The following GXYLT2 variants were observed in gnomAD, a reference collection of about 807,000 sequenced individuals.
GXYLT2 encodes glycosyltransferase 8 domain containing 4.
Under a neutral mutation model 45.8 loss-of-function variants are expected in GXYLT2, and 53 were observed. The observed-to-expected ratio is 1.16, with a 90% CI of 0.93 to 1.46. The LOEUF is 1.46. GXYLT2 is among the 40% of genes most tolerant of loss of function. GXYLT2 has a pLI of 0.00. For missense variants in GXYLT2, 551 were observed against 544.4 expected, an observed-to-expected ratio of 1.01 and a Z score of -0.12; for synonymous variants, 219 against 214.2, an observed-to-expected ratio of 1.02 and a Z score of -0.19.
intron 3 of GXYLT2, among the ~76,000 whole-genome samples, chr3:72,938,367 C>T (rs1710230599): frequency 6.6e-6 from 1 of 152,126 alleles, no homozygotes; most frequent in South Asian, 2.1e-4. Context: ...AGTGCTGAGC[C>T]CTGAACCCAG....
At chr3:72,914,566 C>A (rs984406126) in intron 2 of GXYLT2, among the ~76,000 whole-genome samples, 1 of 151,194 alleles carries the variant, frequency 6.6e-6, no homozygotes, top group African/African-American at 2.5e-5. Flanking sequence ...CGCTTGCGTG[C>A]GCATGTATAT....
At chr3:72,903,831 G>A (rs59023653) in intron 1 of GXYLT2, among the ~76,000 whole-genome samples, 1 of 152,154 alleles carries the variant, frequency 6.6e-6, no homozygotes, top group Admixed American at 6.5e-5. Context: ...TAGGACCTTC[G>A]TTACGACTCT....
intron 2 of GXYLT2, among the ~76,000 whole-genome samples, chr3:72,910,311 A>G (rs1034689628): frequency 6.6e-6 from 1 of 152,152 alleles, no homozygotes; most frequent in Non-Finnish European, 1.5e-5. Flanking sequence ...GGTCAAGTTT[A>G]TGGCTCACCC....
chr3:72,910,418 C>T (rs1007699887), intron 2 of GXYLT2, among the ~76,000 whole-genome samples: 2 of 152,164 alleles, frequency 1.3e-5, no homozygotes, highest in Non-Finnish European at 2.9e-5. Context: ...TGCTATATGA[C>T]CTTGGGTTAG....
chr3:72,939,637 G>A (rs887165080), intron 3 of GXYLT2, among the ~76,000 whole-genome samples: 2 of 151,330 alleles, frequency 1.3e-5, no homozygotes, highest in African/African-American at 4.9e-5. Flanking sequence ...TAGACAATTA[G>A]AAAGTATGGC....
intron 1 of GXYLT2, among the ~76,000 whole-genome samples, chr3:72,901,701 C>T (rs1358812179): frequency 2.6e-5 from 2 of 77,108 alleles, no homozygotes; most frequent in Non-Finnish European, 6.8e-5. Flanking sequence ...GCTGGGATTA[C>T]AGGCATGCAC....
chr3:72,968,432 CA>C (rs1441719246), intron 6 of GXYLT2, among the ~76,000 whole-genome samples: 1 of 152,206 alleles, frequency 6.6e-6, no homozygotes, highest in East Asian at 1.9e-4. Flanking sequence ...AATCAGGGGT[CA>C]AGGTGTTCAG....
chr3:72,931,574 A>G (rs1490296230), intron 3 of GXYLT2, among the ~76,000 whole-genome samples: 1 of 152,120 alleles, frequency 6.6e-6, no homozygotes, highest in African/African-American at 2.4e-5. Flanking sequence ...TTAAGAAGAA[A>G]CTACAAGGGA....
At chr3:72,917,945 C>T (rs557567418) in intron 2 of GXYLT2, among the ~76,000 whole-genome samples, 1 of 152,136 alleles carries the variant, frequency 6.6e-6, no homozygotes, top group South Asian at 2.1e-4. Context: ...GAAATGGGAT[C>T]TCTTTTATAT....
chr3:72,897,982 A>G (rs1709324641), intron 1 of GXYLT2, among the ~76,000 whole-genome samples: 1 of 152,230 alleles, frequency 6.6e-6, no homozygotes. Flanking sequence ...AAAAGTTTTT[A>G]TATATTTACA....
intron 2 of GXYLT2, among the ~76,000 whole-genome samples, chr3:72,920,198 A>G (rs1426558041): frequency 1.3e-5 from 2 of 151,858 alleles, no homozygotes; most frequent in African/African-American, 4.8e-5. Flanking sequence ...GCAGTGGTCC[A>G]ATCTTGGCTC....
intron 1 of GXYLT2, among the ~76,000 whole-genome samples, chr3:72,907,207 C>T (rs193110546): frequency 6.6e-6 from 1 of 152,206 alleles, no homozygotes; most frequent in Non-Finnish European, 1.5e-5. Flanking sequence ...CTCTCCGCAT[C>T]TGGTCTTAGC....
At chr3:72,973,152 A>G (rs1199050071) in intron 6 of GXYLT2, among the ~76,000 whole-genome samples, 1 of 152,190 alleles carries the variant, frequency 6.6e-6, no homozygotes, top group African/African-American at 2.4e-5. Context: ...AAAAGGTGTA[A>G]AAAGAGTGGG....
intron 1 of GXYLT2, among the ~76,000 whole-genome samples, chr3:72,905,400 AC>A (rs762155761): frequency 6.6e-6 from 1 of 152,172 alleles, no homozygotes; most frequent in Non-Finnish European, 1.5e-5. Context: ...GGCATGAGCC[AC>A]CGCACTGGCC....
Position 72,888,108 on chromosome 3 carries a change from G to A in GXYLT2, c.-126G>A. ...CCGCCGGCCGCCCGCCGGCCGCCAC[G>A]ACCCCAGTCCCCGGCGGGCGGGCGG... On this transcript the variant is annotated 5_prime_UTR_variant, in exon 1 of 7. Coordinates refer to ENST00000389617, the MANE Select transcript of GXYLT2 (RefSeq NM_001080393.2). 1 of 488,260 alleles carries A rather than the reference G, an allele frequency of 2.0e-6. No homozygotes were observed. The highest frequency in any genetic ancestry group is 2.6e-6 in the Non-Finnish European group (1 of 379,910). The allele number at this position is 488,260 out of a possible 1,614,324, so 30.2% of individuals were successfully genotyped here.
intron 5 of GXYLT2, among the ~76,000 whole-genome samples, chr3:72,966,458 CTTTTTTTT>C (rs10662974): frequency 3.0e-5 from 3 of 101,640 alleles, no homozygotes; most frequent in East Asian, 3.4e-4. Context: ...TTGTGTGTAT[CTTTTTTTT>C]TTTTTTTTTT....
At chr3:72,915,817 AGG>A (rs1261261807) in intron 2 of GXYLT2, among the ~76,000 whole-genome samples, 1 of 151,456 alleles carries the variant, frequency 6.6e-6, no homozygotes, top group African/African-American at 2.4e-5. Flanking sequence ...TGGGTGACAG[AGG>A]GAGACCCTGT....
intron 5 of GXYLT2, among the ~76,000 whole-genome samples, chr3:72,967,109 A>C (rs541475476): frequency 5.3e-5 from 8 of 152,350 alleles, no homozygotes; most frequent in African/African-American, 1.9e-4. Context: ...TGTATGTTTG[A>C]TACCCTGCTA....
In GXYLT2 at chr3:72,897,104, T is replaced by C. The variant is rs116316348; in HGVS notation, c.275+8596T>C. On this transcript the variant is annotated intron_variant, in intron 1 of 6. Coordinates refer to ENST00000389617, the MANE Select transcript of GXYLT2 (RefSeq NM_001080393.2). ...TAAGCACTTCACTGCATTATTTCACTTAATCTTCATAATAACCTAGGAGGT... is the reference window on the plus strand; with the variant it reads ...TAAGCACTTCACTGCATTATTTCACCTAATCTTCATAATAACCTAGGAGGT... Among the ~76,000 whole-genome samples, 1,060 of 152,318 alleles carry C rather than the reference T, an allele frequency of 7.0e-3. 5 individuals carry two copies. Among genetic ancestry groups the C allele is most frequent in the Non-Finnish European group, 0.011 (760 of 68,006 alleles).
Sources: gnomAD v4.1 joint callset for allele counts (sites outside exome capture counted in the v4.1 genomes callset) on GRCh38, gnomAD v4.1.1 for gene constraint, MANE v1.5 for transcripts, NCBI Gene and HGNC (gene_info 2026-07-23, HGNC 2026-07-21) for gene names.